Variants in ADGRL3 observed in about 807,000 individuals in gnomAD.
ADGRL3 encodes the protein calcium-independent alpha-latrotoxin receptor 3.
A neutral mutation model predicts 153.5 loss-of-function variants in ADGRL3; 62 were observed. That is an observed-to-expected ratio of 0.40 (90% CI 0.33 to 0.50). The LOEUF (loss-of-function observed/expected upper bound fraction) is 0.50, where lower values mean the gene tolerates loss of function less well. ADGRL3 is among the 20% of genes least tolerant of loss of function. The pLI is 0.47. For synonymous variants in ADGRL3, 710 were observed against 672.5 expected (o/e 1.06, Z -0.86); for missense variants, 1,641 against 1,859.4 (o/e 0.88, Z 2.16).
At chr4:61,916,376 C>T (rs1466130830) in intron 13 of ADGRL3, among the ~76,000 whole-genome samples, 2 of 152,030 alleles carry the variant, frequency 1.3e-5, no homozygotes, top group Non-Finnish European at 2.9e-5. Flanking sequence ...CATGGGCCTA[C>T]ATAGCCCCAG....
intron 5 of ADGRL3, among the ~76,000 whole-genome samples, chr4:61,666,132 A>G (rs1009067921): frequency 8.5e-5 from 13 of 152,110 alleles, no homozygotes; most frequent in Admixed American, 2.6e-4. Context: ...TTTAACAGCT[A>G]AGTATATATG....
At chr4:61,372,607 C>T (rs1406286947) in intron 1 of ADGRL3, among the ~76,000 whole-genome samples, 1 of 152,176 alleles carries the variant, frequency 6.6e-6, no homozygotes, top group Non-Finnish European at 1.5e-5. Flanking sequence ...CAGCTGCGTG[C>T]TGGGAGAACC....
chr4:61,718,382 A>C (rs1018360537), intron 6 of ADGRL3, among the ~76,000 whole-genome samples: 28 of 152,224 alleles, frequency 1.8e-4, no homozygotes, highest in Non-Finnish European at 3.1e-4. Flanking sequence ...CTTTAAGTGA[A>C]TATTTCACAG....
At chr4:61,490,566 A>G (rs1270354401) in intron 2 of ADGRL3, among the ~76,000 whole-genome samples, 2 of 152,136 alleles carry the variant, frequency 1.3e-5, no homozygotes, top group Non-Finnish European at 2.9e-5. Context: ...GAATTTCCAA[A>G]GGGTGTTAGC....
intron 5 of ADGRL3, among the ~76,000 whole-genome samples, chr4:61,656,551 TAAAA>T (rs2094448250): frequency 6.6e-6 from 1 of 152,118 alleles, no homozygotes; most frequent in African/African-American, 2.4e-5. Flanking sequence ...GGTTCCTGGG[TAAAA>T]TGAAAGTCAA....
chr4:61,597,725 C>A (rs950084256), intron 5 of ADGRL3, among the ~76,000 whole-genome samples: 2 of 150,750 alleles, frequency 1.3e-5, no homozygotes, highest in Admixed American at 6.6e-5. Flanking sequence ...TATGGTATAG[C>A]CTTCAGGTTT....
chr4:61,524,712 G>T (rs1156649429), intron 4 of ADGRL3, among the ~76,000 whole-genome samples: 1 of 152,026 alleles, frequency 6.6e-6, no homozygotes, highest in African/African-American at 2.4e-5. Context: ...TAAAGCATGT[G>T]GTTCCTGAGA....
At chr4:61,955,424 C>T (rs1031871451) in intron 17 of ADGRL3, among the ~76,000 whole-genome samples, 3 of 152,224 alleles carry the variant, frequency 2.0e-5, no homozygotes, top group African/African-American at 4.8e-5. Context: ...TTCATTGTAG[C>T]TATCCCATAT....
In ADGRL3 at chr4:61,215,541, A is replaced by ATTT. The variant is rs59691960; in HGVS notation, c.-240+13802_-240+13804dup. Among the ~76,000 whole-genome samples the ATTT allele has an allele frequency of 6.5e-4, 48 of 73,704 alleles. 5 individuals carry two copies. Among genetic ancestry groups the ATTT allele is most frequent in the African/African-American group, 1.4e-3 (27 of 19,690 alleles). 48.4% of individuals were successfully genotyped at this position (73,704 alleles called of 152,430 possible). A position where few individuals can be genotyped will look rare whatever the true frequency, so the allele number is the denominator to read the frequency against. ...AGCACATGCTGCCTTCTATTATGGA[A>ATTT]TTTTTTTTTTTTTTTTTTTTTTTTT... On this transcript the variant is annotated intron_variant, in intron 1 of 26. Transcript: ENST00000683033.
At chr4:61,370,589 G>T (rs867973154) in intron 1 of ADGRL3, among the ~76,000 whole-genome samples, 2 of 152,166 alleles carry the variant, frequency 1.3e-5, no homozygotes, top group Admixed American at 6.5e-5. Flanking sequence ...ACTGTGGTCT[G>T]AGAGATAGTT....
chr4:61,817,230 G>T (rs1240644157), intron 9 of ADGRL3, among the ~76,000 whole-genome samples: 1 of 151,956 alleles, frequency 6.6e-6, no homozygotes, highest in Admixed American at 6.6e-5. Context: ...AGGTTCCCGG[G>T]CTGAAAGGGC....
intron 5 of ADGRL3, among the ~76,000 whole-genome samples, chr4:61,669,151 A>G (rs1362499437): frequency 6.6e-6 from 1 of 152,182 alleles, no homozygotes; most frequent in Non-Finnish European, 1.5e-5. Flanking sequence ...TACAATATAT[A>G]TATGGGAGAA....
intron 4 of ADGRL3, among the ~76,000 whole-genome samples, chr4:61,569,427 C>G (rs1209992652): frequency 2.0e-5 from 3 of 152,122 alleles, no homozygotes; most frequent in Non-Finnish European, 4.4e-5. Context: ...CAGTCACTCA[C>G]AGTTTTCCTT....
intron 1 of ADGRL3, among the ~76,000 whole-genome samples, chr4:61,249,443 C>T (rs1219125106): frequency 6.6e-6 from 1 of 152,156 alleles, no homozygotes; most frequent in Non-Finnish European, 1.5e-5. Context: ...CCTCCTCCTC[C>T]TCCTCCTGCA....
intron 21 of ADGRL3, among the ~76,000 whole-genome samples, chr4:62,009,624 G>A (rs541424845): frequency 2.4e-4 from 36 of 152,164 alleles, no homozygotes; most frequent in African/African-American, 8.7e-4. Context: ...TTAAGCACTT[G>A]CATGGTATTT....
intron 6 of ADGRL3, among the ~76,000 whole-genome samples, chr4:61,715,321 C>T (rs917919123): frequency 5.9e-5 from 9 of 152,070 alleles, no homozygotes; most frequent in African/African-American, 2.2e-4. Flanking sequence ...TAAAAGCAGG[C>T]TGAAAACGTC....
chr4:61,405,942 T>C (rs1470041555), intron 2 of ADGRL3, among the ~76,000 whole-genome samples: 1 of 152,028 alleles, frequency 6.6e-6, no homozygotes, highest in Non-Finnish European at 1.5e-5. Flanking sequence ...AGTTACATTA[T>C]ACTTTATTCA....
At chr4:61,653,279 G>A (rs1345631769) in intron 5 of ADGRL3, among the ~76,000 whole-genome samples, 1 of 151,940 alleles carries the variant, frequency 6.6e-6, no homozygotes, top group East Asian at 1.9e-4. Context: ...CAGAAACCAA[G>A]CCTGCTGGGC....
At chr4:61,688,091 A>G (rs908881910) in intron 6 of ADGRL3, among the ~76,000 whole-genome samples, 4 of 151,982 alleles carry the variant, frequency 2.6e-5, no homozygotes, top group African/African-American at 9.7e-5. Flanking sequence ...ACTCCATACT[A>G]TTTGGTTCTT....
Sources: allele counts gnomAD v4.1 joint callset (sites outside exome capture counted in the v4.1 genomes callset), GRCh38; gene constraint gnomAD v4.1.1; transcripts MANE v1.5; gene names NCBI Gene and HGNC (gene_info 2026-07-23, HGNC 2026-07-21).